ESRRB: variants seen among roughly 807,000 people sequenced by gnomAD.
ESRRB encodes the protein steroid hormone receptor ERR2.
A neutral mutation model predicts 46.0 loss-of-function variants in ESRRB; 16 were observed. That is an observed-to-expected ratio of 0.35 (90% CI 0.24 to 0.53). The LOEUF (loss-of-function observed/expected upper bound fraction) is 0.53. Among genes scored for constraint, ESRRB ranks in the 20% least tolerant of loss-of-function variants. The pLI, the probability that ESRRB is intolerant of heterozygous loss-of-function variation, is 0.93. For missense variants in ESRRB, 488 were observed against 607.4 expected (o/e 0.80, Z 2.07); for synonymous variants, 246 against 259.6 (o/e 0.95, Z 0.50).
At chr14:76,489,491 T>C (rs1324165761) in intron 5 of ESRRB, among the ~76,000 whole-genome samples, 1 of 61,910 alleles carries the variant, frequency 1.6e-5, no homozygotes, top group African/African-American at 6.3e-5. Flanking sequence ...CCTGATCCCC[T>C]GTCACAGCCT....
intron 1 of ESRRB, among the ~76,000 whole-genome samples, chr14:76,425,762 G>A (rs1359597332): frequency 6.6e-6 from 1 of 152,092 alleles, no homozygotes; most frequent in Non-Finnish European, 1.5e-5. Flanking sequence ...AGGCTGGAGT[G>A]CAGTGGTGTG....
rs1890585051 is a variant in ESRRB, at chr14:76,499,673, C to A, written c.*1215C>A. The A allele has an allele frequency of 7.6e-6, 5 of 660,514 alleles. No individual in the cohort carries two copies. Among genetic ancestry groups the A allele is most frequent in the Non-Finnish European group, 1.4e-5 (5 of 365,584 alleles). 40.9% of individuals were successfully genotyped at this position (660,514 alleles called of 1,614,324 possible). The stretch of plus-strand genomic sequence containing the variant: ...CACCGCGAGCACGCCAGCTCTCTGG[C>A]AGGACCCCTGCAGTCCCCCTGGCTG... On this transcript the variant is annotated 3_prime_UTR_variant, in exon 7 of 7. Coordinates refer to ENST00000644823, the MANE Select transcript of ESRRB (RefSeq NM_001379180.1).
At chr14:76,385,013 G>A (rs1345678608) in intron 1 of ESRRB, among the ~76,000 whole-genome samples, 1 of 152,074 alleles carries the variant, frequency 6.6e-6, no homozygotes, top group African/African-American at 2.4e-5. Context: ...CTCACCTACA[G>A]ACCATGCTCA....
At chr14:76,445,129 T>G (rs1888078343) in intron 2 of ESRRB, among the ~76,000 whole-genome samples, 1 of 146,526 alleles carries the variant, frequency 6.8e-6, no homozygotes, top group Non-Finnish European at 1.5e-5. Flanking sequence ...GCTATGATCC[T>G]GCCACTATAC....
chr14:76,334,980 A>G (rs990742661), intron 1 of ESRRB, among the ~76,000 whole-genome samples: 6 of 152,082 alleles, frequency 3.9e-5, no homozygotes, highest in Non-Finnish European at 8.8e-5. Flanking sequence ...CTGAGACTCT[A>G]TCAGGCATGT....
intron 1 of ESRRB, among the ~76,000 whole-genome samples, chr14:76,333,450 TATATCA>T (rs1884087021): frequency 3.1e-5 from 4 of 129,748 alleles, no homozygotes; most frequent in Non-Finnish European, 6.4e-5. Context: ...GATATATAAG[TATATCA>T]TATATAAATA....
Position 76,345,673 on chromosome 14 carries a change from T to C in ESRRB, c.2+34757T>C, listed in dbSNP as rs577475563. Among the ~76,000 whole-genome samples, 467 of 152,248 alleles carry C rather than the reference T, an allele frequency of 3.1e-3. 2 individuals are homozygous for C. Among genetic ancestry groups the C allele is most frequent in the Admixed American group, 5.2e-3 (80 of 15,296 alleles). On this transcript the variant is annotated intron_variant, in intron 1 of 6. Transcript: ENST00000512784. ...ACTAAAAGTAGAACCACCAATTTGA[T>C]CCAGCAGTCCCACTACTGGGTATCC...
intron 3 of ESRRB, among the ~76,000 whole-genome samples, chr14:76,468,495 A>G (rs1299220821): frequency 6.8e-6 from 1 of 148,002 alleles, no homozygotes; most frequent in African/African-American, 2.5e-5. Context: ...ACTCAGCCAC[A>G]ATGACCTCTG....
At chr14:76,335,058 C>G (rs1884110117) in intron 1 of ESRRB, among the ~76,000 whole-genome samples, 1 of 152,192 alleles carries the variant, frequency 6.6e-6, no homozygotes, top group South Asian at 2.1e-4. Context: ...TGGCCAGCCC[C>G]TCTCTGATGA....
chr14:76,417,980 G>A (rs112709900), intron 1 of ESRRB, among the ~76,000 whole-genome samples: 13 of 146,126 alleles, frequency 8.9e-5, no homozygotes, highest in African/African-American at 3.3e-4. Flanking sequence ...GTGGGGGATG[G>A]AGTCTGGCTC....
At chr14:76,370,225 TAA>T (rs35273827), upstream of ESRRB, among the ~76,000 whole-genome samples, 27 of 140,116 alleles carry the variant, frequency 1.9e-4, no homozygotes, top group South Asian at 2.3e-4. Context: ...CCATCCCTGC[TAA>T]AAAAAAAAAA....
At position 76,499,713 on chromosome 14, in the gene ESRRB, C is replaced by A. The variant is rs947885461; in HGVS notation, c.*1255C>A. ...CCCCCTGGCTGTGCCAGGTAACCAA[C>A]CGTCTTGGTTTGTCCAGGACGTTTC... is the stretch of plus-strand genomic sequence containing the variant. On this transcript the variant is annotated 3_prime_UTR_variant, in exon 7 of 7. Coordinates refer to ENST00000644823, the MANE Select transcript of ESRRB (RefSeq NM_001379180.1). 65 of 740,502 alleles carry A rather than the reference C, an allele frequency of 8.8e-5. No individual in the cohort carries two copies. Among genetic ancestry groups the A allele is most frequent in the African/African-American group, 8.8e-4 (51 of 58,192 alleles). The allele number at this position is 740,502 out of a possible 1,614,324, so 45.9% of individuals were successfully genotyped here. A position where few individuals can be genotyped will look rare whatever the true frequency, so the allele number is the denominator to read the frequency against.
chr14:76,424,438 C>A (rs2139896476), intron 1 of ESRRB, among the ~76,000 whole-genome samples: 1 of 152,166 alleles, frequency 6.6e-6, no homozygotes, highest in African/African-American at 2.4e-5. Context: ...CTGGTGTGCA[C>A]AAGGCTATGT....
Position 76,482,189 on chromosome 14 carries a change from C to G in ESRRB, c.688+63C>G. 8.2e-7 allele frequency: 1 copy of G among 1,226,766 alleles called. No individual in the cohort carries two copies. 76.0% of individuals were successfully genotyped at this position (1,226,766 alleles called of 1,614,324 possible). On this transcript the variant is annotated intron_variant, in intron 4 of 6. Transcript: ENST00000644823. This position sits in a 1 kb window ranked among gnomAD's most constrained non-coding sequence, Gnocchi z 4.3. ...TCTGTACCTGGAACATCAGGCATCC[C>G]TTAGGGAAACATCATCTTCCCACCA... is the stretch of plus-strand genomic sequence containing the variant.
At chr14:76,483,619 T>C (rs554599175) in intron 5 of ESRRB, among the ~76,000 whole-genome samples, 17 of 152,192 alleles carry the variant, frequency 1.1e-4, no homozygotes, top group Non-Finnish European at 1.6e-4. Flanking sequence ...TACATACACA[T>C]TGGGGGCCTT....
At chr14:76,489,234 C>T (rs909789879) in intron 5 of ESRRB, among the ~76,000 whole-genome samples, 3 of 152,044 alleles carry the variant, frequency 2.0e-5, no homozygotes, top group African/African-American at 7.2e-5. Flanking sequence ...TTTAGACCCC[C>T]TCCCTAGAGC....
At chr14:76,415,861 G>A (rs1040925229) in intron 1 of ESRRB, among the ~76,000 whole-genome samples, 2 of 152,086 alleles carry the variant, frequency 1.3e-5, no homozygotes, top group African/African-American at 4.8e-5. Context: ...TAAGTAAAAG[G>A]ATATGATATC....
At chr14:76,321,408 T>C (rs1883865914) in intron 1 of ESRRB, among the ~76,000 whole-genome samples, 1 of 152,216 alleles carries the variant, frequency 6.6e-6, no homozygotes, top group South Asian at 2.1e-4. Context: ...ACCAGCAGTT[T>C]TCACACTGGG....
At position 76,498,478 on chromosome 14, in the gene ESRRB, A is replaced by T. The variant is rs371141236; in HGVS notation, c.*20A>T. 4 of 1,612,844 alleles carry T rather than the reference A, an allele frequency of 2.5e-6. No individual in the cohort carries two copies. The highest frequency in any genetic ancestry group is 2.5e-6 in the Non-Finnish European group (3 of 1,179,974). On this transcript the variant is annotated 3_prime_UTR_variant, in exon 7 of 7. Transcript: ENST00000644823. ...GTGTGATGGCCCCGCACACGGACCA[A>T]TGCCCACCTACAGACAGACAAACGG...
Sources: gnomAD v4.1 joint callset for allele counts (sites outside exome capture counted in the v4.1 genomes callset) on GRCh38, gnomAD v4.1.1 for gene constraint, Gnocchi (gnomAD v3.1) non-coding constraint, MANE v1.5 for transcripts, NCBI Gene and HGNC (gene_info 2026-07-23, HGNC 2026-07-21) for gene names.